The following RANBP2 variants were observed in gnomAD, a reference collection of about 807,000 sequenced individuals.
RANBP2 encodes RAN binding protein 2, also known as E3 SUMO-protein ligase RanBP2.
Under a neutral mutation model 303.6 loss-of-function variants are expected in RANBP2, and 57 were observed. The observed-to-expected ratio is 0.19, with a 90% CI of 0.15 to 0.23. The LOEUF (loss-of-function observed/expected upper bound fraction) is 0.23, where lower values mean the gene tolerates loss of function less well. Among genes scored for constraint, RANBP2 ranks in the 10% least tolerant of loss-of-function variants. The pLI is 1.00. For synonymous variants in RANBP2, 1,167 were observed against 1,301.5 expected, an observed-to-expected ratio of 0.90 and a Z score of 2.23; for missense variants, 3,138 against 3,780.8, an observed-to-expected ratio of 0.83 and a Z score of 4.46.
chr2:109,339,236 C>A, the RANBP2 span, among the ~76,000 whole-genome samples: 1 of 151,092 alleles, frequency 6.6e-6, no homozygotes, highest in Non-Finnish European at 1.5e-5. Flanking sequence ...ATAAGTAGAC[C>A]CTTGCAGTTT....
At chr2:109,244,123 C>G in the RANBP2 span, among the ~76,000 whole-genome samples, 1 of 152,142 alleles carries the variant, frequency 6.6e-6, no homozygotes, top group Non-Finnish European at 1.5e-5. Context: ...CTTGAACTTA[C>G]AATTCAGCAA....
chr2:108,837,028 A>G, the RANBP2 span, among the ~76,000 whole-genome samples: 1 of 152,034 alleles, frequency 6.6e-6, no homozygotes, highest in African/African-American at 2.4e-5. Context: ...TACTTCTCCA[A>G]TTTGGATACT....
the RANBP2 span, among the ~76,000 whole-genome samples, chr2:109,567,093 T>A: frequency 6.6e-6 from 1 of 152,020 alleles, no homozygotes; most frequent in African/African-American, 2.4e-5. Flanking sequence ...ATAGAAGAAA[T>A]GGAATGAACA....
the RANBP2 span, among the ~76,000 whole-genome samples, chr2:109,278,818 G>A: frequency 6.6e-6 from 1 of 152,300 alleles, no homozygotes; most frequent in South Asian, 2.1e-4. Flanking sequence ...TATTGCATCG[G>A]CCAAGGCAAA....
chr2:109,452,918 A>G, the RANBP2 span, among the ~76,000 whole-genome samples: 506 of 134,372 alleles, frequency 3.8e-3, 18 homozygotes, highest in East Asian at 0.066. Flanking sequence ...GGCTGGTGCC[A>G]GGAGGCTGGT....
chr2:109,373,738 G>C, the RANBP2 span, among the ~76,000 whole-genome samples: 1 of 152,150 alleles, frequency 6.6e-6, no homozygotes, highest in Non-Finnish European at 1.5e-5. Context: ...GCTGTAAAAT[G>C]GTGTCCAGTT....
At chr2:108,777,330 T>TTA in intron 25 of RANBP2, 99 bp downstream of exon 25, 1 of 1,009,362 alleles carries the variant, frequency 9.9e-7, no homozygotes, top group East Asian at 2.5e-5. Flanking sequence ...GTTAGAAGTT[T>TTA]CTTCCCTTAC....
chr2:109,582,112 A>ACACACT, the RANBP2 span, among the ~76,000 whole-genome samples: 6 of 139,552 alleles, frequency 4.3e-5, no homozygotes, highest in African/African-American at 1.6e-4. Flanking sequence ...ACACACACAC[A>ACACACT]CTCACTCTCA....
intron 4 of RANBP2, among the ~76,000 whole-genome samples, chr2:108,732,926 C>T (rs1215901130): frequency 1.2e-4 from 19 of 152,184 alleles, no homozygotes; most frequent in Admixed American, 1.2e-3. Flanking sequence ...CAGGTTCAAG[C>T]GATTCTCCTG....
chr2:109,424,545 A>G, the RANBP2 span, among the ~76,000 whole-genome samples: 1 of 152,142 alleles, frequency 6.6e-6, no homozygotes, highest in African/African-American at 2.4e-5. Context: ...CCATTTTCCA[A>G]CAGCATGTGC....
the RANBP2 span, among the ~76,000 whole-genome samples, chr2:109,117,799 CA>C: frequency 6.6e-6 from 1 of 152,132 alleles, no homozygotes; most frequent in Admixed American, 6.5e-5. Context: ...CAGCATTTTT[CA>C]AAAAGCAAGG....
At chr2:109,119,950 G>C in the RANBP2 span, among the ~76,000 whole-genome samples, 2 of 152,208 alleles carry the variant, frequency 1.3e-5, no homozygotes, top group Non-Finnish European at 2.9e-5. Context: ...TGTATCCCAT[G>C]AATTTAAACA....
chr2:109,048,004 A>C, the RANBP2 span, among the ~76,000 whole-genome samples: 59 of 152,294 alleles, frequency 3.9e-4, no homozygotes, highest in South Asian at 0.012. Flanking sequence ...GACAAAGCTA[A>C]ATGTACTCCT....
chr2:108,940,976 G>A, the RANBP2 span, among the ~76,000 whole-genome samples: 1 of 152,170 alleles, frequency 6.6e-6, no homozygotes, highest in Non-Finnish European at 1.5e-5. Flanking sequence ...TTGATACAGA[G>A]CCCATCTCTT....
At chr2:109,415,271 C>T in the RANBP2 span, among the ~76,000 whole-genome samples, 1 of 152,216 alleles carries the variant, frequency 6.6e-6, no homozygotes, top group East Asian at 1.9e-4. Context: ...TTTGTTTCAG[C>T]AGCTGTGAGG....
chr2:108,837,395 G>C, the RANBP2 span, among the ~76,000 whole-genome samples: 1 of 152,106 alleles, frequency 6.6e-6, no homozygotes, highest in African/African-American at 2.4e-5. Context: ...ACTTAGTCAT[G>C]GCGTATAATC....
chr2:109,532,962 C>T, the RANBP2 span, among the ~76,000 whole-genome samples: 2 of 152,202 alleles, frequency 1.3e-5, no homozygotes, highest in Non-Finnish European at 2.9e-5. Flanking sequence ...TGGCCAGGTG[C>T]ATGCTTGGCC....
At chr2:109,680,796 T>C in the RANBP2 span, among the ~76,000 whole-genome samples, 3 of 152,202 alleles carry the variant, frequency 2.0e-5, no homozygotes, top group Non-Finnish European at 4.4e-5. Context: ...GAAGTAGGAC[T>C]GTGCACCCAC....
chr2:108,735,911 A>C, intron 5 of RANBP2, 149 bp downstream of exon 5: 1 of 1,504,636 alleles, frequency 6.6e-7, no homozygotes, highest in Non-Finnish European at 8.9e-7. Flanking sequence ...GGATCAGTTA[A>C]ATTTATAATG....
Sources: gnomAD v4.1 joint callset for allele counts (sites outside exome capture counted in the v4.1 genomes callset) on GRCh38, gnomAD v4.1.1 for gene constraint, MANE v1.5 for transcripts, NCBI Gene and HGNC (gene_info 2026-07-23, HGNC 2026-07-21) for gene names.